PPA1: variants seen among roughly 807,000 people sequenced by gnomAD.
PPA1 encodes inorganic pyrophosphatase 1, also known as inorganic pyrophosphatase.
In PPA1, 23 loss-of-function variants were observed where a neutral mutation model predicts 41.8. The observed-to-expected ratio is 0.55, with a 90% CI of 0.40 to 0.78. PPA1 has a LOEUF of 0.78. Among genes scored for constraint, PPA1 ranks in the 30% least tolerant of loss-of-function variants. PPA1 has a pLI of 0.00. For missense variants in PPA1, 320 were observed against 361.6 expected, an observed-to-expected ratio of 0.89 and a Z score of 0.93; for synonymous variants, 101 against 116.8, an observed-to-expected ratio of 0.86 and a Z score of 0.87.
chr10:70,233,214 G>A (rs1840311854), intron 1 of PPA1, 50 bp downstream of exon 1: 1 of 1,519,264 alleles, frequency 6.6e-7, no homozygotes, highest in Admixed American at 2.1e-5. Flanking sequence ...CAAGGCCCGG[G>A]AATGAATGGG....
chr10:70,223,023 T>TA (rs1209667523), intron 2 of PPA1, among the ~76,000 whole-genome samples: 1 of 152,096 alleles, frequency 6.6e-6, no homozygotes, highest in Non-Finnish European at 1.5e-5. Flanking sequence ...CATCATTTTT[T>TA]ATGCATGGAA....
intron 3 of PPA1, 33 bp downstream of exon 3, chr10:70,218,731 T>G: frequency 6.4e-7 from 1 of 1,552,082 alleles, no homozygotes; most frequent in Non-Finnish European, 8.9e-7. Context: ...ACCAATATCC[T>G]AAGTCTGACT....
intron 2 of PPA1, among the ~76,000 whole-genome samples, chr10:70,222,787 C>G (rs149773734): frequency 0.045 from 6,830 of 151,626 alleles, 333 homozygotes; most frequent in African/African-American, 0.12. Context: ...CACCCATTAA[C>G]TCATCATTTA....
At chr10:70,214,443 T>C in intron 5 of PPA1, 57 bp downstream of exon 5, 1 of 1,371,086 alleles carries the variant, frequency 7.3e-7, no homozygotes. Context: ...AAGTATGAAA[T>C]TTGGTATACT....
chr10:70,218,607 G>A, intron 3 of PPA1, 157 bp downstream of exon 3: 2 of 603,130 alleles, frequency 3.3e-6, no homozygotes, highest in South Asian at 2.1e-5. Context: ...GAGCCCAAAG[G>A]GAAGACTAGT....
At chr10:70,222,726 G>A (rs1028882807) in intron 2 of PPA1, among the ~76,000 whole-genome samples, 3 of 152,014 alleles carry the variant, frequency 2.0e-5, no homozygotes, top group Non-Finnish European at 1.5e-5. Context: ...TGCACAAAGT[G>A]CAGGTTTGTT....
rs571902520 is a variant in PPA1 at position 70,224,799 on chromosome 10, C to G, written c.123+5542G>C. 2.6e-5 allele frequency among the ~76,000 whole-genome samples: 4 copies of G among 152,166 alleles called. No homozygotes were observed. The East Asian group carries it at 7.7e-4, about 29-fold the overall frequency. ...AGGCTGGAGCACAATGGTGCAATCTCGGCTCACTGCAACCTCCGTCTCCCG... is the reference window on the plus strand; with the variant it reads ...AGGCTGGAGCACAATGGTGCAATCTGGGCTCACTGCAACCTCCGTCTCCCG... On this transcript the variant is annotated intron_variant, in intron 2 of 10. Coordinates refer to ENST00000373232, the MANE Select transcript of PPA1 (RefSeq NM_021129.4).
intron 2 of PPA1, among the ~76,000 whole-genome samples, chr10:70,228,429 A>G (rs1840256340): frequency 6.6e-6 from 1 of 152,186 alleles, no homozygotes; most frequent in Admixed American, 6.5e-5. Flanking sequence ...GCATACCTGT[A>G]TGCCAGGGTA....
intron 9 of PPA1, 61 bp from the exon 10 acceptor site, chr10:70,204,976 T>C (rs1839921601): frequency 2.0e-5 from 26 of 1,314,952 alleles, no homozygotes; most frequent in Non-Finnish European, 2.6e-5. Context: ...GCTAAAAAGG[T>C]ATACTGACAA....
chr10:70,206,180 C>T (rs1367041709), intron 9 of PPA1, 84 bp downstream of exon 9: 1 of 1,084,902 alleles, frequency 9.2e-7, no homozygotes, highest in Non-Finnish European at 1.4e-6. Context: ...AAGTATTTGT[C>T]GAAACAAGTA....
chr10:70,230,422 T>C (rs767717530), intron 1 of PPA1, 23 bp from the exon 2 acceptor site: 1 of 1,587,492 alleles, frequency 6.3e-7, no homozygotes, highest in Non-Finnish European at 8.6e-7. Context: ...TTAGAAAAAG[T>C]TATTACTATA....
At position 70,233,385 on chromosome 10, in the gene PPA1, G is replaced by A. The variant is rs1045506958; in HGVS notation, c.-58C>T. ...GAGCCACCAGCCCGCACGCGGCGCC[G>A]ACTGACAAGGAGAGAGCCCCACGCC... is the stretch of plus-strand genomic sequence containing the variant. On this transcript the variant is annotated 5_prime_UTR_variant, in exon 1 of 11. Transcript: ENST00000373232. 56 of 1,523,778 alleles carry A rather than the reference G, an allele frequency of 3.7e-5. No individual in the cohort carries two copies. Among genetic ancestry groups the A allele is most frequent in the Admixed American group, 3.6e-4 (18 of 49,590 alleles). 94.4% of individuals were successfully genotyped at this position (1,523,778 alleles called of 1,614,324 possible).
At chr10:70,216,897 T>C (rs2151833) in intron 4 of PPA1, among the ~76,000 whole-genome samples, 110,871 of 152,092 alleles carry the variant, frequency 0.73, 41,024 homozygotes, top group Non-Finnish European at 0.79. Flanking sequence ...AGGCCAGACA[T>C]GGTGGCTCAC....
chr10:70,208,352 C>G lies in PPA1; in HGVS notation c.725+853G>C, dbSNP rs566630980. On this transcript the variant is annotated intron_variant, in intron 8 of 10. Transcript: ENST00000373232. ...GCCAAATCTTTTTCCTTTTTTTTTT[C>G]TTTTGAGACAGGGTCTTGCTCAGGT... is the stretch of plus-strand genomic sequence containing the variant. Among the ~76,000 whole-genome samples the G allele has an allele frequency of 3.0e-3, 452 of 149,760 alleles. 4 individuals are homozygous for G. The highest frequency in any genetic ancestry group is 0.021 in the East Asian group (106 of 5,116).
At chr10:70,217,666 TTC>T (rs1388813001) in intron 4 of PPA1, 144 bp downstream of exon 4, 1 of 563,214 alleles carries the variant, frequency 1.8e-6, no homozygotes, top group Non-Finnish European at 2.9e-6. Flanking sequence ...TAAGGAAGCA[TTC>T]TGAGTTAATT....
chr10:70,233,026 C>A (rs975428079), intron 1 of PPA1, among the ~76,000 whole-genome samples: 1 of 152,146 alleles, frequency 6.6e-6, no homozygotes, highest in South Asian at 2.1e-4. Context: ...TACCCCGAGG[C>A]GTGACAAAGG....
At chr10:70,233,243 C>T (rs1332711660) in intron 1 of PPA1, 21 bp downstream of exon 1, 10 of 1,530,994 alleles carry the variant, frequency 6.5e-6, no homozygotes, top group Middle Eastern at 3.9e-4. Flanking sequence ...CGCGGAGGGG[C>T]CACGGGCCGC....
intron 8 of PPA1, among the ~76,000 whole-genome samples, chr10:70,207,374 T>C (rs946020546): frequency 2.0e-5 from 3 of 152,172 alleles, no homozygotes; most frequent in African/African-American, 7.2e-5. Context: ...TATTAAAATA[T>C]GATATTTCTA....
At chr10:70,224,271 A>G (rs984564821) in intron 2 of PPA1, among the ~76,000 whole-genome samples, 5 of 148,496 alleles carry the variant, frequency 3.4e-5, no homozygotes, top group African/African-American at 1.0e-4. Flanking sequence ...AAAAAAGTCT[A>G]TTTCCCTTCC....
Sources: gnomAD v4.1 joint callset for allele counts (sites outside exome capture counted in the v4.1 genomes callset) on GRCh38, gnomAD v4.1.1 for gene constraint, MANE v1.5 for transcripts, NCBI Gene and HGNC (gene_info 2026-07-23, HGNC 2026-07-21) for gene names.